IQSEC3: variants seen among roughly 807,000 people sequenced by gnomAD.
IQSEC3 encodes IQ motif and SEC7 domain-containing protein 3.
In IQSEC3, 50 loss-of-function variants were observed where a neutral mutation model predicts 105.4. That is an observed-to-expected ratio of 0.47 (90% confidence interval 0.38 to 0.60). IQSEC3 has a LOEUF of 0.60. Among genes scored for constraint, IQSEC3 ranks in the 20% least tolerant of loss-of-function variants. The pLI, the probability that IQSEC3 is intolerant of heterozygous loss-of-function variation, is 0.00. For synonymous variants in IQSEC3, 708 were observed against 746.0 expected (o/e 0.95, Z 0.83); for missense variants, 1,415 against 1,630.0 (o/e 0.87, Z 2.27).
chr12:86,866 A>T (rs1863933809), intron 1 of IQSEC3, among the ~76,000 whole-genome samples: 1 of 152,034 alleles, frequency 6.6e-6, no homozygotes, highest in Non-Finnish European at 1.5e-5. Flanking sequence ...ATCTTTTGGA[A>T]GGGCAAGGAT....
intron 13 of IQSEC3, among the ~76,000 whole-genome samples, chr12:174,313 G>C (rs1347429301): frequency 6.6e-6 from 1 of 152,162 alleles, no homozygotes; most frequent in East Asian, 1.9e-4. Flanking sequence ...CATGAAATCA[G>C]GCAGCAGATG....
chr12:79,602 C>A (rs1320642175), intron 1 of IQSEC3, among the ~76,000 whole-genome samples: 1 of 151,984 alleles, frequency 6.6e-6, no homozygotes, highest in African/African-American at 2.4e-5. Flanking sequence ...GACTAATTTT[C>A]TTTGTTTTTG....
At chr12:171,394 C>A in intron 13 of IQSEC3, 1 of 1,430,400 alleles carries the variant, frequency 7.0e-7, no homozygotes, top group Non-Finnish European at 9.8e-7. Context: ...GCCTGCTGCC[C>A]TCCGAGGCCG....
Position 175,065 on chromosome 12 carries a change from G to A in IQSEC3, c.*32G>A, listed in dbSNP as rs1157642587. 7 of 1,471,094 alleles carry A rather than the reference G, an allele frequency of 4.8e-6. No homozygotes were observed. Among genetic ancestry groups the A allele is most frequent in the African/African-American group, 2.8e-5 (2 of 71,364 alleles). 91.1% of individuals were successfully genotyped at this position (1,471,094 alleles called of 1,614,324 possible). On this transcript the variant is annotated 3_prime_UTR_variant, in exon 14 of 14. Transcript: ENST00000538872. ...CCCCACCACCCTGCTGTCCTGGGAGGGCTGGCCACTGGGGGGCCTGGGCTG... is the reference window on the plus strand; with the variant it reads ...CCCCACCACCCTGCTGTCCTGGGAGAGCTGGCCACTGGGGGGCCTGGGCTG...
intron 5 of IQSEC3, chr12:143,738 G>T: frequency 5.7e-6 from 1 of 175,430 alleles, no homozygotes; most frequent in Non-Finnish European, 1.2e-5. Context: ...CAGGGTTCAT[G>T]GGGGAATGAG....
chr12:75,364 G>T (rs555680090), intron 1 of IQSEC3, among the ~76,000 whole-genome samples: 1 of 152,130 alleles, frequency 6.6e-6, no homozygotes, highest in African/African-American at 2.4e-5. Flanking sequence ...TGCCTTGTTT[G>T]GCTCTGGTAA....
intron 3 of IQSEC3, among the ~76,000 whole-genome samples, chr12:131,207 G>A (rs910188339): frequency 3.3e-5 from 5 of 152,192 alleles, no homozygotes; most frequent in Non-Finnish European, 5.9e-5. Context: ...AGGCCCCCGC[G>A]CCCCTGCCGC....
At chr12:117,286 CTG>C (rs1207668562) in intron 2 of IQSEC3, among the ~76,000 whole-genome samples, 1 of 152,328 alleles carries the variant, frequency 6.6e-6, no homozygotes, top group Non-Finnish European at 1.5e-5. Flanking sequence ...CTGTGTGAAA[CTG>C]TGTGTCATGT....
intron 5 of IQSEC3, among the ~76,000 whole-genome samples, chr12:156,710 G>T (rs1436754327): frequency 6.6e-6 from 1 of 152,228 alleles, no homozygotes; most frequent in Admixed American, 6.5e-5. Context: ...TATGCTGAAA[G>T]CTTTGCTTGG....
chr12:89,060 G>T (rs919658606), intron 1 of IQSEC3, among the ~76,000 whole-genome samples: 1 of 152,110 alleles, frequency 6.6e-6, no homozygotes, highest in Non-Finnish European at 1.5e-5. Context: ...CCCTCCCAAA[G>T]GTGAGCATAG....
chr12:134,965 T>A (rs10849619), intron 3 of IQSEC3, among the ~76,000 whole-genome samples: 97,809 of 151,096 alleles, frequency 0.65, 31,672 homozygotes, highest in South Asian at 0.79. Flanking sequence ...TGTCTCTACT[T>A]AAAAAAATAC....
At chr12:115,921 A>C (rs1865033803) in intron 2 of IQSEC3, among the ~76,000 whole-genome samples, 1 of 152,216 alleles carries the variant, frequency 6.6e-6, no homozygotes, top group African/African-American at 2.4e-5. Context: ...ACTCTAGCAC[A>C]AGACACCAAG....
At chr12:112,964 AAGG>A (rs1377212238) in intron 2 of IQSEC3, among the ~76,000 whole-genome samples, 2 of 152,166 alleles carry the variant, frequency 1.3e-5, no homozygotes, top group African/African-American at 4.8e-5. Context: ...CAGTTTCAAA[AAGG>A]AGAAGAATTT....
intron 3 of IQSEC3, among the ~76,000 whole-genome samples, chr12:134,264 C>G (rs1387940497): frequency 6.6e-6 from 1 of 152,222 alleles, no homozygotes; most frequent in African/African-American, 2.4e-5. Context: ...TAGCAGTGGC[C>G]ACGGCAGGTG....
intron 3 of IQSEC3, among the ~76,000 whole-genome samples, chr12:127,321 C>T (rs1273233642): frequency 6.6e-6 from 1 of 152,096 alleles, no homozygotes; most frequent in East Asian, 1.9e-4. Flanking sequence ...GAGTTTGAGA[C>T]CAGCCCGCCC....
At chr12:84,261 G>A (rs1481935391) in intron 1 of IQSEC3, among the ~76,000 whole-genome samples, 2 of 152,248 alleles carry the variant, frequency 1.3e-5, no homozygotes, top group Non-Finnish European at 1.5e-5. Context: ...AGCCTGGCAG[G>A]ACTGGGCTTG....
At chr12:99,679 C>T (rs973322443) in intron 2 of IQSEC3, among the ~76,000 whole-genome samples, 2 of 152,224 alleles carry the variant, frequency 1.3e-5, no homozygotes, top group African/African-American at 2.4e-5. Context: ...AATGTTAAGG[C>T]TCTCTCAGCC....
At position 139,252 on chromosome 12, in the gene IQSEC3, C is replaced by A; in HGVS notation, c.1889C>A (p.Pro630Gln). Reference sequence around the variant, plus strand: ...CTGCAGGCCATGATCCTGAGCCTGCCGCGCTACCACTGCGAGAACCCAGCC... The same window carrying A: ...CTGCAGGCCATGATCCTGAGCCTGCAGCGCTACCACTGCGAGAACCCAGCC... ...DALQAMILSL[P>Q]RYHCENPASC... Residue 630 changes from proline to glutamine, a missense_variant, in exon 4 of 14, where the codon CCG becomes CAG. Physicochemically the swap from Pro to Gln is moderately conservative, Grantham distance 76. This residue lies in a region of IQSEC3 where 720 missense variants were observed against 633.0 expected (regional missense o/e 1.14). Coordinates refer to ENST00000538872, the MANE Select transcript of IQSEC3 (RefSeq NM_001170738.2). 1.2e-6 allele frequency: 2 copies of A among 1,609,468 alleles called. No homozygotes were observed. Among genetic ancestry groups the A allele is most frequent in the Non-Finnish European group, 1.7e-6 (2 of 1,178,512 alleles).
chr12:117,880 C>G (rs915439858), intron 2 of IQSEC3, among the ~76,000 whole-genome samples: 1 of 152,190 alleles, frequency 6.6e-6, no homozygotes, highest in Admixed American at 6.5e-5. Context: ...TGGTGGCAAT[C>G]AAGGGGCCAT....
Sources: gnomAD v4.1 joint callset for allele counts (sites outside exome capture counted in the v4.1 genomes callset) on GRCh38, gnomAD v4.1.1 for gene constraint, gnomAD v4.1.1 regional missense constraint, MANE v1.5 for transcripts, NCBI Gene and HGNC (gene_info 2026-07-23, HGNC 2026-07-21) for gene names.